Variants in FLNB observed in about 807,000 individuals in gnomAD.
FLNB encodes the protein filamin-B.
A neutral mutation model predicts 250.6 loss-of-function variants in FLNB; 111 were observed. The ratio of observed to expected loss-of-function variants is 0.44; its 90% CI spans 0.38 to 0.52. FLNB has a LOEUF of 0.52. FLNB is among the 20% of genes least tolerant of loss of function. The probability of loss-of-function intolerance (pLI) is 0.00; values close to 1 mark genes in which losing one functional copy is unlikely to be tolerated. For synonymous variants in FLNB, 1,302 were observed against 1,372.1 expected, an observed-to-expected ratio of 0.95 and a Z score of 1.13; for missense variants, 2,869 against 3,447.8, an observed-to-expected ratio of 0.83 and a Z score of 4.20.
chr3:58,094,907 G>A lies in FLNB; in HGVS notation c.859G>A (p.Gly287Arg). The change falls in exon 5 of 46, where the codon GGA becomes AGA. Residue 287 changes from glycine to arginine, a missense_variant. By Grantham distance (125) the Gly-to-Arg change is moderately radical (BLOSUM62 -2). This residue lies in a region of FLNB where 308 missense variants were observed against 466.1 expected (regional missense o/e 0.66). Coordinates refer to ENST00000295956, the MANE Select transcript of FLNB (RefSeq NM_001457.4). Reference protein sequence around the residue: ...FTVDTISAGQGDVMVFVEDPE... With the variant: ...FTVDTISAGQRDVMVFVEDPE... ...TGTGGACACCATCAGCGCCGGGCAA[G>A]GAGACGTGATGGTGTTTGTTGAGGA... The A allele has an allele frequency of 6.2e-7, 1 of 1,614,196 alleles. No homozygotes were observed. The highest frequency in any genetic ancestry group is 8.5e-7 in the Non-Finnish European group (1 of 1,180,024).
intron 39 of FLNB, 124 bp downstream of exon 39, chr3:58,153,765 T>C: frequency 8.8e-7 from 1 of 1,134,826 alleles, no homozygotes; most frequent in East Asian, 2.5e-5. Context: ...ATTAAGGGCA[T>C]TATTTAAAAC....
At chr3:58,109,517 A>C in intron 14 of FLNB, 59 bp from the exon 15 acceptor site, 2 of 1,613,056 alleles carry the variant, frequency 1.2e-6, no homozygotes, top group South Asian at 2.2e-5. Context: ...GTTTTTTAAT[A>C]GTATTTTACT....
At position 58,164,906 on chromosome 3, in the gene FLNB, C is replaced by G. The variant is rs989502109; in HGVS notation, c.7198+1576C>G. The G allele has an allele frequency of 2.0e-5, 3 of 152,466 alleles. No individual in the cohort carries two copies. The highest frequency in any genetic ancestry group is 4.4e-5 in the Non-Finnish European group (3 of 68,230). The allele number at this position is 152,466 out of a possible 1,614,324, so 9.4% of individuals were successfully genotyped here. A position where few individuals can be genotyped will look rare whatever the true frequency, so the allele number is the denominator to read the frequency against. ...CAGTCTACATCCGTGACCTCAGAGCCTATGCGCTGAACCCCCGAGCTTGGC... is the reference window on the plus strand; with the variant it reads ...CAGTCTACATCCGTGACCTCAGAGCGTATGCGCTGAACCCCCGAGCTTGGC... On this transcript the variant is annotated intron_variant, in intron 43 of 45. Coordinates refer to ENST00000295956, the MANE Select transcript of FLNB (RefSeq NM_001457.4). This position sits in a 1 kb window ranked among gnomAD's most constrained non-coding sequence, Gnocchi z 4.0.
At chr3:58,058,380 C>T (rs144733370) in intron 1 of FLNB, among the ~76,000 whole-genome samples, 6 of 152,232 alleles carry the variant, frequency 3.9e-5, no homozygotes, top group Admixed American at 1.3e-4. Context: ...AAGCAGTGGG[C>T]CAAATTATGG....
At position 58,150,109 on chromosome 3, in the gene FLNB, C is replaced by T. The variant is rs1291699170; in HGVS notation, c.6249C>T (p.Ser2083=). 1 of 1,614,222 alleles carries T rather than the reference C, an allele frequency of 6.2e-7. No individual in the cohort carries two copies. Among genetic ancestry groups the T allele is most frequent in the South Asian group, 1.1e-5 (1 of 91,082 alleles). Reference sequence around the variant, plus strand: ...GAGCCTTCTTGGGTCTTGCAGGGAGCCCATTTACCGTGAAGATCAGTGGGG... The same window carrying T: ...GAGCCTTCTTGGGTCTTGCAGGGAGTCCATTTACCGTGAAGATCAGTGGGG... ...TKFADEHVPG[S]PFTVKISGEG... Residue 2083 remains serine (S), a synonymous_variant, in exon 38 of 46, where the codon AGC becomes AGT. Transcript: ENST00000295956.
At chr3:58,070,054 T>C (rs868752081) in intron 1 of FLNB, among the ~76,000 whole-genome samples, 3,391 of 150,058 alleles carry the variant, frequency 0.023, 150 homozygotes, top group African/African-American at 0.078. Context: ...TCTTTCTTTT[T>C]TTTTTTTTTT....
At chr3:58,124,183 A>G (rs2107178808) in intron 21 of FLNB, 149 bp from the exon 22 acceptor site, 1 of 801,894 alleles carries the variant, frequency 1.2e-6, no homozygotes, top group East Asian at 2.6e-5. Flanking sequence ...GAGGGGGTTA[A>G]TATTCTTGAT....
chr3:58,087,536 C>T (rs1395618800), intron 4 of FLNB, among the ~76,000 whole-genome samples: 2 of 152,086 alleles, frequency 1.3e-5, no homozygotes, highest in Admixed American at 1.3e-4. Flanking sequence ...CCACTGCAAC[C>T]TCTGCTGCCC....
chr3:58,168,796 A>T (rs959056886), intron 44 of FLNB, 138 bp downstream of exon 44: 1 of 718,772 alleles, frequency 1.4e-6, no homozygotes, highest in African/African-American at 1.7e-5. Flanking sequence ...ATAGTATGAG[A>T]TGTCAGAGGG....
chr3:58,137,285 T>G (rs2097317778), intron 28 of FLNB, among the ~76,000 whole-genome samples: 1 of 152,190 alleles, frequency 6.6e-6, no homozygotes, highest in South Asian at 2.1e-4. Flanking sequence ...TGGAAAAATT[T>G]TGGAATGCAG....
At position 58,109,226 on chromosome 3, in the gene FLNB, C is replaced by G; in HGVS notation, c.2103C>G (p.Asp701Glu). ...RIDIQMKNRMDGTYACSYTPV... is the reference protein window; with the variant it reads ...RIDIQMKNRMEGTYACSYTPV... Reference sequence around the variant, plus strand: ...ACATCCAGATGAAGAACCGGATGGACGGCACATATGCATGCTCATACACCC... The same window carrying G: ...ACATCCAGATGAAGAACCGGATGGAGGGCACATATGCATGCTCATACACCC... Residue 701 changes from aspartate (D) to glutamate (E), a missense_variant, in exon 14 of 46, where the codon GAC becomes GAG. Around this residue, in one of 5 missense-constraint regions of FLNB, gnomAD observed 1,348 missense variants for 1,466.7 expected, o/e 0.92. Coordinates refer to ENST00000295956, the MANE Select transcript of FLNB (RefSeq NM_001457.4). 2.5e-6 allele frequency: 4 copies of G among 1,614,230 alleles called. No homozygotes were observed. Among genetic ancestry groups the G allele is most frequent in the Non-Finnish European group, 2.5e-6 (3 of 1,180,048 alleles).
In FLNB at chr3:58,148,350, C is replaced by G. The variant is rs778916792; in HGVS notation, c.5873C>G (p.Pro1958Arg). 2.5e-6 allele frequency: 4 copies of G among 1,613,652 alleles called. No individual in the cohort carries two copies. The Admixed American group carries it at 5.0e-5, about 20-fold the overall frequency. The change falls in exon 35 of 46, where the codon CCC (proline) becomes CGC (arginine). Residue 1958 changes from proline (P) to arginine (R), a missense_variant. Physicochemically the swap from Pro to Arg is moderately radical, Grantham distance 103. This residue lies in a region of FLNB where 1,084 missense variants were observed against 1,315.5 expected (regional missense o/e 0.82). Coordinates refer to ENST00000295956, the MANE Select transcript of FLNB (RefSeq NM_001457.4). ...GAGCCCTGTCTCCTGAAGAGGCTGC[C>G]CAACAACCACATTGGTGAGCTAGGC... ...RDEPCLLKRLPNNHIGISFIP... is the reference protein window; with the variant it reads ...RDEPCLLKRLRNNHIGISFIP...
Position 58,164,349 on chromosome 3 carries a change from G to C in FLNB, c.7198+1019G>C, listed in dbSNP as rs1364807959. 1 of 152,334 alleles carries C rather than the reference G, an allele frequency of 6.6e-6. No homozygotes were observed. The highest frequency in any genetic ancestry group is 2.1e-4 in the South Asian group (1 of 4,822). The allele number at this position is 152,334 out of a possible 1,614,324, so 9.4% of individuals were successfully genotyped here. A position where few individuals can be genotyped will look rare whatever the true frequency, so the allele number is the denominator to read the frequency against. On this transcript the variant is annotated intron_variant, in intron 43 of 45. Transcript: ENST00000295956. The surrounding 1 kb of genome is among the most constrained non-coding windows in gnomAD (Gnocchi z 4.0). ...GAGAGTCAGTCCTTAGTCTTTGCAGGGGAAGTGCGCAGTGTGGACTCACTG... is the reference window on the plus strand; with the variant it reads ...GAGAGTCAGTCCTTAGTCTTTGCAGCGGAAGTGCGCAGTGTGGACTCACTG...
intron 4 of FLNB, among the ~76,000 whole-genome samples, chr3:58,091,749 T>C (rs1004098685): frequency 1.4e-4 from 21 of 152,284 alleles, no homozygotes; most frequent in Non-Finnish European, 2.5e-4. Context: ...TGTTGAGGGT[T>C]TTCCTGCATT....
intron 34 of FLNB, among the ~76,000 whole-genome samples, chr3:58,147,498 G>C (rs185571762): frequency 4.5e-4 from 69 of 152,172 alleles, no homozygotes; most frequent in Non-Finnish European, 8.5e-4. Context: ...CTTTCAGTGG[G>C]TTATAAGGAA....
intron 19 of FLNB, 134 bp from the exon 20 acceptor site, chr3:58,121,107 T>C (rs987770556): frequency 1.4e-5 from 15 of 1,107,826 alleles, no homozygotes; most frequent in Non-Finnish European, 1.9e-5. Flanking sequence ...CTGCTTGTCC[T>C]CTGCAGCAGC....
At chr3:58,055,774 A>G (rs1257422532) in intron 1 of FLNB, among the ~76,000 whole-genome samples, 1 of 152,232 alleles carries the variant, frequency 6.6e-6, no homozygotes, top group Non-Finnish European at 1.5e-5. Context: ...TTTCCACTTA[A>G]TAATATACAT....
At chr3:58,071,933 T>C (rs1238718134) in intron 1 of FLNB, among the ~76,000 whole-genome samples, 1 of 152,218 alleles carries the variant, frequency 6.6e-6, no homozygotes, top group Admixed American at 6.5e-5. Context: ...CCAAGATGCT[T>C]CTGAAGATTG....
intron 1 of FLNB, among the ~76,000 whole-genome samples, chr3:58,038,926 C>T (rs549319966): frequency 5.9e-4 from 89 of 151,950 alleles, no homozygotes; most frequent in Non-Finnish European, 1.0e-3. Context: ...TCTTTGTTTA[C>T]TCTCAAAAGC....
Sources: allele counts gnomAD v4.1 joint callset (sites outside exome capture counted in the v4.1 genomes callset), GRCh38; gene constraint gnomAD v4.1.1; regional missense constraint gnomAD v4.1.1; non-coding constraint Gnocchi (gnomAD v3.1); transcripts MANE v1.5; gene names NCBI Gene and HGNC (gene_info 2026-07-23, HGNC 2026-07-21).